Variants in ASH2L observed in about 807,000 individuals in gnomAD.
ASH2L encodes ASH2 like, histone lysine methyltransferase complex subunit.
A neutral mutation model predicts 81.1 loss-of-function variants in ASH2L; 30 were observed. The observed-to-expected ratio is 0.37, with a 90% CI of 0.28 to 0.50. The LOEUF is 0.50. ASH2L is among the 20% of genes least tolerant of loss of function. The pLI, the probability that ASH2L is intolerant of heterozygous loss-of-function variation, is 0.95. For missense variants in ASH2L, 559 were observed against 792.1 expected, an observed-to-expected ratio of 0.71 and a Z score of 3.53; for synonymous variants, 273 against 279.9, an observed-to-expected ratio of 0.98 and a Z score of 0.24.
intron 12 of ASH2L, among the ~76,000 whole-genome samples, chr8:38,132,658 G>T (rs1411907505): frequency 1.3e-5 from 2 of 151,696 alleles, no homozygotes; most frequent in South Asian, 4.2e-4. Context: ...AAGTAACCGG[G>T]TGTGGTGGCA....
At chr8:38,119,620 A>G (rs1269040303) in intron 9 of ASH2L, among the ~76,000 whole-genome samples, 2 of 152,056 alleles carry the variant, frequency 1.3e-5, no homozygotes, top group Non-Finnish European at 2.9e-5. Context: ...AGCCTGGCCA[A>G]CATGGCGAAA....
Position 38,139,653 on chromosome 8 carries a change from C to T in ASH2L, c.*582C>T, listed in dbSNP as rs1802400490. Reference sequence around the variant, plus strand: ...TGTAATTGTGAAAGAAACTTGCTTGCAGCTTTAACAAAATGAGAAACTTCC... The same window carrying T: ...TGTAATTGTGAAAGAAACTTGCTTGTAGCTTTAACAAAATGAGAAACTTCC... On this transcript the variant is annotated 3_prime_UTR_variant, in exon 16 of 16. Transcript: ENST00000343823. 1 of 152,274 alleles carries T rather than the reference C, an allele frequency of 6.6e-6. No homozygotes were observed. The highest frequency in any genetic ancestry group is 2.1e-4 in the South Asian group (1 of 4,836). The allele number at this position is 152,274 out of a possible 1,614,324, so 9.4% of individuals were successfully genotyped here. A position where few individuals can be genotyped will look rare whatever the true frequency, so the allele number is the denominator to read the frequency against.
chr8:38,111,489 G>A (rs1311185776), intron 5 of ASH2L, among the ~76,000 whole-genome samples: 1 of 152,110 alleles, frequency 6.6e-6, no homozygotes, highest in Non-Finnish European at 1.5e-5. Context: ...CTGGGCTCAG[G>A]TGATCCTCCC....
Position 38,119,176 on chromosome 8 carries a change from A to C in ASH2L, c.854-94A>C. On this transcript the variant is annotated intron_variant, in intron 8 of 15. Coordinates refer to ENST00000343823, the MANE Select transcript of ASH2L (RefSeq NM_004674.5). ...GAAATCCTCCTGTGGTGTTACACAAATGCACATTGGGTGTGTTGGTCCCTA... is the reference window on the plus strand; with the variant it reads ...GAAATCCTCCTGTGGTGTTACACAACTGCACATTGGGTGTGTTGGTCCCTA... The C allele has an allele frequency of 2.7e-6, 3 of 1,109,484 alleles. No homozygotes were observed. In the South Asian group the frequency reaches 4.2e-5, roughly 16 times the overall value. The allele number at this position is 1,109,484 out of a possible 1,614,324, so 68.7% of individuals were successfully genotyped here. A position where few individuals can be genotyped will look rare whatever the true frequency, so the allele number is the denominator to read the frequency against.
intron 5 of ASH2L, 85 bp from the exon 6 acceptor site, chr8:38,114,107 A>G: frequency 2.5e-6 from 2 of 800,512 alleles, no homozygotes; most frequent in Non-Finnish European, 3.9e-6. Flanking sequence ...GATTCTAACA[A>G]GATCTTCGAA....
chr8:38,110,629 C>A, intron 4 of ASH2L, 110 bp from the exon 5 acceptor site: 1 of 1,144,610 alleles, frequency 8.7e-7, no homozygotes, highest in Non-Finnish European at 1.3e-6. Context: ...CACATGATGA[C>A]TCCATTTTGC....
chr8:38,131,015 A>C (rs1271274113), intron 12 of ASH2L, among the ~76,000 whole-genome samples: 2 of 152,200 alleles, frequency 1.3e-5, no homozygotes. Flanking sequence ...GTTTGTGTTA[A>C]GGAAAGGTTT....
intron 5 of ASH2L, among the ~76,000 whole-genome samples, chr8:38,111,083 C>T (rs572643305): frequency 1.1e-4 from 17 of 152,144 alleles, no homozygotes; most frequent in South Asian, 2.1e-4. Context: ...TACAGGCATG[C>T]GCCACCACGC....
At chr8:38,122,565 C>A (rs1181292300) in intron 10 of ASH2L, 2 of 152,060 alleles carry the variant, frequency 1.3e-5, no homozygotes, top group Non-Finnish European at 1.5e-5. Context: ...TGCTTCTAGA[C>A]TTCCTCAGTG....
chr8:38,135,564 A>AGT, intron 13 of ASH2L, 104 bp from the exon 14 acceptor site: 1 of 738,822 alleles, frequency 1.4e-6, no homozygotes, highest in Non-Finnish European at 2.3e-6. Flanking sequence ...TGGGTGAGTG[A>AGT]CTAGCAGTCT....
intron 9 of ASH2L, among the ~76,000 whole-genome samples, chr8:38,120,618 T>TTCC (rs1563255027): frequency 2.2e-4 from 1 of 4,582 alleles, no homozygotes; most frequent in Non-Finnish European, 1.7e-3. Context: ...TCTCCTCCCT[T>TTCC]CCCCCCCCCC....
Position 38,114,992 on chromosome 8 carries a change from T to C in ASH2L, c.769T>C (p.Leu257=), listed in dbSNP as rs1472327038. The change falls in exon 7 of 16, where the codon TTG becomes CTG. Residue 257 remains leucine, a synonymous_variant. Coordinates refer to ENST00000343823, the MANE Select transcript of ASH2L (RefSeq NM_004674.5). ...AGAAGATTACCCCAAATTTGGACTT[T>C]TGGATCAGGTACATTAATATGTTTT... ...PEEDYPKFGL[L]DQDLSNIGPA... is the part of the protein sequence containing the mutation. 8 of 1,597,234 alleles carry C rather than the reference T, an allele frequency of 5.0e-6. No homozygotes were observed. The highest frequency in any genetic ancestry group is 1.3e-5 in the African/African-American group (1 of 74,560).
rs1226348538 is a variant in ASH2L, at chr8:38,114,068, G to A, written c.586-124G>A. Reference sequence around the variant, plus strand: ...ATGTAAACCTTGTATAACACCGTGGGGGGAAAAACTAACATGGATTTTTCT... The same window carrying A: ...ATGTAAACCTTGTATAACACCGTGGAGGGAAAAACTAACATGGATTTTTCT... On this transcript the variant is annotated intron_variant, in intron 5 of 15. Coordinates refer to ENST00000343823, the MANE Select transcript of ASH2L (RefSeq NM_004674.5). 9 of 602,906 alleles carry A rather than the reference G, an allele frequency of 1.5e-5. No individual in the cohort carries two copies. The East Asian group carries it at 2.7e-4, about 18-fold the overall frequency. 37.3% of individuals were successfully genotyped at this position (602,906 alleles called of 1,614,324 possible).
intron 5 of ASH2L, among the ~76,000 whole-genome samples, chr8:38,111,674 C>T (rs1285008084): frequency 6.6e-6 from 1 of 152,230 alleles, no homozygotes; most frequent in East Asian, 1.9e-4. Context: ...GTGTGAGCCA[C>T]TGCACCCGGC....
chr8:38,133,625 A>G (rs113254775), intron 13 of ASH2L, 79 bp downstream of exon 13: 18 of 1,160,022 alleles, frequency 1.6e-5, no homozygotes, highest in African/African-American at 1.2e-4. Context: ...AAAGTGAGGA[A>G]CACGAGGCCC....
chr8:38,136,302 T>G (rs987706163), intron 14 of ASH2L, among the ~76,000 whole-genome samples: 1 of 151,186 alleles, frequency 6.6e-6, no homozygotes, highest in Non-Finnish European at 1.5e-5. Context: ...AGTCATGGGC[T>G]CAAGCAGTTC....
chr8:38,108,107 A>G, intron 3 of ASH2L, among the ~76,000 whole-genome samples: 1 of 152,050 alleles, frequency 6.6e-6, no homozygotes, highest in East Asian at 1.9e-4. Context: ...GCTTTCCTTT[A>G]TAATCTGTTG....
At chr8:38,112,282 AACCAACAC>A (rs1261015069) in intron 5 of ASH2L, among the ~76,000 whole-genome samples, 1 of 152,042 alleles carries the variant, frequency 6.6e-6, no homozygotes, top group African/African-American at 2.4e-5. Context: ...TACAGGCATA[AACCAACAC>A]ACCCAGCCCC....
chr8:38,106,537 T>G, intron 2 of ASH2L, 93 bp downstream of exon 2: 5 of 1,076,238 alleles, frequency 4.6e-6, no homozygotes, highest in East Asian at 2.6e-5. Flanking sequence ...CGACGGAGCC[T>G]TGCTCTGTCG....
Sources: allele counts gnomAD v4.1 joint callset (sites outside exome capture counted in the v4.1 genomes callset), GRCh38; gene constraint gnomAD v4.1.1; transcripts MANE v1.5; gene names NCBI Gene and HGNC (gene_info 2026-07-23, HGNC 2026-07-21).